TRABD2B: variants seen among roughly 807,000 people sequenced by gnomAD.
The protein encoded by TRABD2B is metalloprotease TIKI2.
TRABD2B carries 14 observed loss-of-function variants against 40.1 expected under a neutral mutation model. The ratio of observed to expected loss-of-function variants is 0.35; its 90% CI spans 0.23 to 0.55. The LOEUF (loss-of-function observed/expected upper bound fraction) is 0.55, where lower values mean the gene tolerates loss of function less well. TRABD2B is among the 20% of genes least tolerant of loss of function. TRABD2B has a pLI of 0.90. For synonymous variants in TRABD2B, 263 were observed against 277.0 expected (o/e 0.95, Z 0.50); for missense variants, 541 against 648.6 (o/e 0.83, Z 1.80).
intron 2 of TRABD2B, among the ~76,000 whole-genome samples, chr1:47,835,512 A>G (rs1645306782): frequency 6.6e-6 from 1 of 152,244 alleles, no homozygotes; most frequent in Non-Finnish European, 1.5e-5. Flanking sequence ...CCAAGGACAG[A>G]AAGAACCTTG....
chr1:47,904,044 A>G (rs534831706), intron 2 of TRABD2B, among the ~76,000 whole-genome samples: 1 of 152,310 alleles, frequency 6.6e-6, no homozygotes, highest in African/African-American at 2.4e-5. Flanking sequence ...GGAAGAAAAG[A>G]GATGGGCATA....
chr1:47,908,534 G>A (rs949714354), intron 2 of TRABD2B, among the ~76,000 whole-genome samples: 7 of 152,096 alleles, frequency 4.6e-5, no homozygotes, highest in Non-Finnish European at 7.4e-5. Flanking sequence ...CTGGTGCCTG[G>A]GACTACCCAG....
At chr1:47,844,400 C>T (rs1383033327) in intron 2 of TRABD2B, among the ~76,000 whole-genome samples, 3 of 152,158 alleles carry the variant, frequency 2.0e-5, no homozygotes, top group Admixed American at 6.5e-5. Flanking sequence ...AGCTTGGAGG[C>T]GGGAGAAGTT....
chr1:47,857,409 C>T (rs1016586664), intron 2 of TRABD2B, among the ~76,000 whole-genome samples: 2 of 152,168 alleles, frequency 1.3e-5, no homozygotes, highest in African/African-American at 2.4e-5. Context: ...CCTGCCCCAC[C>T]GTGTGCCTAC....
intron 2 of TRABD2B, among the ~76,000 whole-genome samples, chr1:47,987,667 C>T (rs373113696): frequency 1.0e-3 from 157 of 152,256 alleles, no homozygotes; most frequent in African/African-American, 3.6e-3. Flanking sequence ...GGACAGAGCT[C>T]GCCATGCCTG....
At chr1:47,946,535 C>T (rs1030436011) in intron 2 of TRABD2B, among the ~76,000 whole-genome samples, 4 of 152,108 alleles carry the variant, frequency 2.6e-5, no homozygotes, top group African/African-American at 4.8e-5. Flanking sequence ...TAAGAAATTA[C>T]ATTGATTGAT....
At chr1:47,917,228 C>T (rs760462307) in intron 2 of TRABD2B, among the ~76,000 whole-genome samples, 3 of 152,124 alleles carry the variant, frequency 2.0e-5, no homozygotes, top group Admixed American at 6.5e-5. Flanking sequence ...CCAGGAACCC[C>T]GGAAACCCTT....
chr1:47,864,473 A>C (rs1644025665), intron 2 of TRABD2B, among the ~76,000 whole-genome samples: 1 of 152,136 alleles, frequency 6.6e-6, no homozygotes, highest in Non-Finnish European at 1.5e-5. Flanking sequence ...TCTAAAAAAA[A>C]AAAAGTCTTA....
At chr1:47,824,442 C>G (rs1313733974) in intron 2 of TRABD2B, among the ~76,000 whole-genome samples, 5 of 152,220 alleles carry the variant, frequency 3.3e-5, no homozygotes, top group Non-Finnish European at 5.9e-5. Flanking sequence ...CATGCTGTAA[C>G]TGGTCAGACT....
intron 2 of TRABD2B, among the ~76,000 whole-genome samples, chr1:47,980,101 C>T (rs993242530): frequency 6.6e-6 from 1 of 152,200 alleles, no homozygotes; most frequent in African/African-American, 2.4e-5. Context: ...CATGTGACCC[C>T]TATGTGCTTC....
chr1:47,785,604 A>AG (rs1644584878), intron 4 of TRABD2B, among the ~76,000 whole-genome samples: 1 of 152,228 alleles, frequency 6.6e-6, no homozygotes, highest in Non-Finnish European at 1.5e-5. Context: ...GCTGGCAGAA[A>AG]GGGGCAGAGC....
At chr1:47,768,658 C>T (rs1226432614) in intron 6 of TRABD2B, among the ~76,000 whole-genome samples, 2 of 152,138 alleles carry the variant, frequency 1.3e-5, no homozygotes, top group Non-Finnish European at 2.9e-5. Flanking sequence ...ATTTATTATA[C>T]GTAGTTTGCA....
chr1:47,887,698 G>A (rs371446694), intron 2 of TRABD2B, among the ~76,000 whole-genome samples: 7 of 152,136 alleles, frequency 4.6e-5, no homozygotes, highest in Non-Finnish European at 1.0e-4. Context: ...AGGGGTACCC[G>A]GGGAAACCAG....
At chr1:47,922,061 G>A (rs534568739) in intron 2 of TRABD2B, among the ~76,000 whole-genome samples, 2 of 152,322 alleles carry the variant, frequency 1.3e-5, no homozygotes, top group East Asian at 3.9e-4. Context: ...CTGTCCATCT[G>A]CAAAGCCCAC....
chr1:47,899,703 T>TG (rs944719503), intron 2 of TRABD2B, among the ~76,000 whole-genome samples: 2 of 151,960 alleles, frequency 1.3e-5, no homozygotes, highest in Non-Finnish European at 2.9e-5. Context: ...GTGGTGGTGG[T>TG]GTGTGTGGTG....
At chr1:47,841,815 C>T (rs1170536244) in intron 2 of TRABD2B, among the ~76,000 whole-genome samples, 6 of 142,172 alleles carry the variant, frequency 4.2e-5, no homozygotes, top group Admixed American at 7.3e-5. Flanking sequence ...GACAGAGTCT[C>T]GCTCTGTCAT....
At chr1:47,908,018 A>G (rs1455621866) in intron 2 of TRABD2B, among the ~76,000 whole-genome samples, 1 of 152,140 alleles carries the variant, frequency 6.6e-6, no homozygotes, top group Non-Finnish European at 1.5e-5. Context: ...TAACCTGAGA[A>G]GTGTTCTCTC....
chr1:47,902,025 C>A (rs531150525), intron 2 of TRABD2B, among the ~76,000 whole-genome samples: 61 of 152,306 alleles, frequency 4.0e-4, no homozygotes, highest in Non-Finnish European at 7.4e-4. Context: ...TCTGCCCACT[C>A]CCCTAGTACA....
At position 47,794,732 on chromosome 1, in the gene TRABD2B, G is replaced by T. The variant is rs1323195137; in HGVS notation, c.842C>A (p.Pro281Gln). 1 of 1,535,232 alleles carries T rather than the reference G, an allele frequency of 6.5e-7. No individual in the cohort carries two copies. The highest frequency in any genetic ancestry group is 2.5e-5 in the East Asian group (1 of 40,814). Residue 281 changes from proline to glutamine, a missense_variant, in exon 4 of 7, where the codon CCG becomes CAG. Physicochemically the swap from Pro to Gln is moderately conservative, Grantham distance 76. This residue lies in a region of TRABD2B where 369 missense variants were observed against 492.8 expected (regional missense o/e 0.75). Coordinates refer to ENST00000606738, the MANE Select transcript of TRABD2B (RefSeq NM_001194986.2). ...CTGGGCCGTCACCTGCTCGTGTGGC[G>T]GGAGGGTGGTGTTGATAAAGTTGGG... ...QLPNFINTTL[P>Q]PHEQVTAQEI...
Sources: gnomAD v4.1 joint callset for allele counts (sites outside exome capture counted in the v4.1 genomes callset) on GRCh38, gnomAD v4.1.1 for gene constraint, gnomAD v4.1.1 regional missense constraint, MANE v1.5 for transcripts, NCBI Gene and HGNC (gene_info 2026-07-23, HGNC 2026-07-21) for gene names.